The following PCDHGA2 variants were observed in gnomAD, a reference collection of about 807,000 sequenced individuals.
The protein encoded by PCDHGA2 is protocadherin gamma subfamily A, 2.
PCDHGA2 carries 40 observed loss-of-function variants against 59.2 expected under a neutral mutation model. The observed-to-expected ratio is 0.68, with a 90% confidence interval of 0.52 to 0.88. The LOEUF (loss-of-function observed/expected upper bound fraction) is 0.88. PCDHGA2 is among the 40% of genes least tolerant of loss of function. The pLI, the probability that PCDHGA2 is intolerant of heterozygous loss-of-function variation, is 0.00. For missense variants in PCDHGA2, 1,226 were observed against 1,204.0 expected (o/e 1.02, Z -0.27); for synonymous variants, 560 against 526.0 (o/e 1.06, Z -0.89).
chr5:141,500,139 CT>C (rs2099796692), intron 2 of PCDHGA2, among the ~76,000 whole-genome samples: 2 of 151,768 alleles, frequency 1.3e-5, no homozygotes, highest in East Asian at 3.9e-4. Context: ...TCTTTCTAAA[CT>C]TTTCTTTGTG....
chr5:141,351,441 C>T (rs768328873), intron 1 of PCDHGA2: 17 of 1,612,464 alleles, frequency 1.1e-5, no homozygotes, highest in Non-Finnish European at 1.4e-5. Context: ...GAATCCACCT[C>T]GAAGAATTAT....
rs375834520 is a variant in PCDHGA2, at chr5:141,389,526, G to A, written c.2424+48131G>A. 145 of 1,613,070 alleles carry A rather than the reference G, an allele frequency of 9.0e-5. No homozygotes were observed. Among genetic ancestry groups the A allele is most frequent in the Non-Finnish European group, 1.2e-4 (141 of 1,179,758 alleles). ...GCTCAGCGCGAACGTGAGCCTGCGC[G>A]TGTTAGTGGACGACCGCAACGACAA... On this transcript the variant is annotated intron_variant, in intron 1 of 3. Coordinates refer to ENST00000394576, the MANE Select transcript of PCDHGA2 (RefSeq NM_018915.4).
chr5:141,408,769 C>A (rs754783489), intron 1 of PCDHGA2: 3 of 1,611,166 alleles, frequency 1.9e-6, no homozygotes, highest in South Asian at 1.1e-5. Flanking sequence ...CCGATGGTGG[C>A]AAATACCCAG....
intron 1 of PCDHGA2, chr5:141,370,538 G>A: frequency 3.1e-6 from 5 of 1,613,906 alleles, no homozygotes; most frequent in Non-Finnish European, 4.2e-6. Context: ...CGCTGGTAGG[G>A]AACCTCGCCA....
intron 1 of PCDHGA2, chr5:141,350,972 G>A (rs956940005): frequency 6.2e-7 from 1 of 1,614,038 alleles, no homozygotes; most frequent in South Asian, 1.1e-5. Flanking sequence ...TAATGCTCCC[G>A]TGTTTAGCCA....
In PCDHGA2 at chr5:141,430,969, TAGGACGCA is replaced by T. The variant is rs775497521; in HGVS notation, c.2425-63837_2425-63830del. The T allele has an allele frequency of 7.3e-5, 118 of 1,613,012 alleles. 1 individual carries two copies. The Middle Eastern group carries it at 1.8e-3, about 25-fold the overall frequency. On this transcript the variant is annotated intron_variant, in intron 1 of 3. Transcript: ENST00000394576. ...GCGGAGTCCGCATCATCCCCAGAGG[TAGGACGCA>T]GCTTTTCGCCCTGAATCCGCGCAGC...
Position 141,487,266 on chromosome 5 carries a change from T to A in PCDHGA2, c.2425-7541T>A. The stretch of plus-strand genomic sequence containing the variant: ...ACCCTCTACTTGGCTGTGTCCCTAG[T>A]GGCAATTTGCTTTGTCTCCTTTGGC... On this transcript the variant is annotated intron_variant, in intron 1 of 3. Transcript: ENST00000394576. This position sits in a 1 kb window ranked among gnomAD's most constrained non-coding sequence, Gnocchi z 5.0. The A allele has an allele frequency of 1.2e-6, 2 of 1,614,172 alleles. No homozygotes were observed. Among genetic ancestry groups the A allele is most frequent in the Non-Finnish European group, 8.5e-7 (1 of 1,180,036 alleles).
intron 1 of PCDHGA2, chr5:141,398,744 G>C (rs1561665852): frequency 1.2e-6 from 2 of 1,613,854 alleles, no homozygotes; most frequent in East Asian, 4.5e-5. Flanking sequence ...GAACAACAGA[G>C]TTACCATCGT....
In PCDHGA2 at chr5:141,408,035, C is replaced by T. The variant is rs886766467; in HGVS notation, c.2424+66640C>T. On this transcript the variant is annotated intron_variant, in intron 1 of 3. Transcript: ENST00000394576. ...CAGCCAACAACAGAAAGAAGAAAAC[C>T]AGCTCCCACACAGAGCCTCCCGGCT... 7.1e-6 allele frequency: 8 copies of T among 1,130,910 alleles called. No homozygotes were observed. The African/African-American group carries it at 7.8e-5, about 11-fold the overall frequency. 70.1% of individuals were successfully genotyped at this position (1,130,910 alleles called of 1,614,324 possible).
chr5:141,491,896 C>A lies in PCDHGA2; in HGVS notation c.2425-2911C>A. ...CGATTAAGGGATGGGGCTCCGAGCA[C>A]CGGGGGTGGTGGCGACTGTGGGCGA... On this transcript the variant is annotated intron_variant, in intron 1 of 3. Coordinates refer to ENST00000394576, the MANE Select transcript of PCDHGA2 (RefSeq NM_018915.4). This position sits in a 1 kb window ranked among gnomAD's most constrained non-coding sequence, Gnocchi z 6.9. 1 of 1,434,504 alleles carries A rather than the reference C, an allele frequency of 7.0e-7. No homozygotes were observed. Among genetic ancestry groups the A allele is most frequent in the Non-Finnish European group, 9.2e-7 (1 of 1,084,690 alleles). The allele number at this position is 1,434,504 out of a possible 1,614,324, so 88.9% of individuals were successfully genotyped here.
intron 1 of PCDHGA2, among the ~76,000 whole-genome samples, chr5:141,453,216 C>T (rs565229516): frequency 8.5e-5 from 13 of 152,080 alleles, no homozygotes; most frequent in Non-Finnish European, 1.0e-4. Context: ...TGCACTTAAG[C>T]GATCCTCCCA....
Position 141,394,179 on chromosome 5 carries a change from T to C in PCDHGA2, c.2424+52784T>C. The C allele has an allele frequency of 2.5e-6, 4 of 1,613,868 alleles. No individual in the cohort carries two copies. The South Asian group carries it at 4.4e-5, about 18-fold the overall frequency. On this transcript the variant is annotated intron_variant, in intron 1 of 3. Coordinates refer to ENST00000394576, the MANE Select transcript of PCDHGA2 (RefSeq NM_018915.4). ...CAACCCTCCTACTTTCCCTCATGCC[T>C]CCTACTCAGCGTATATCCTAGAGAA...
At chr5:141,466,279 T>A (rs1386803685) in intron 1 of PCDHGA2, among the ~76,000 whole-genome samples, 1 of 152,144 alleles carries the variant, frequency 6.6e-6, no homozygotes, top group Non-Finnish European at 1.5e-5. Flanking sequence ...CAAGCAATCT[T>A]CCCACCTCAG....
intron 1 of PCDHGA2, among the ~76,000 whole-genome samples, chr5:141,381,974 C>A (rs1049134937): frequency 6.6e-6 from 1 of 151,492 alleles, no homozygotes; most frequent in Non-Finnish European, 1.5e-5. Flanking sequence ...GGATTACAGG[C>A]GCGCGCCACC....
At chr5:141,418,393 C>A in intron 1 of PCDHGA2, 1 of 1,613,984 alleles carries the variant, frequency 6.2e-7, no homozygotes, top group Non-Finnish European at 8.5e-7. Context: ...ACGAGTATTT[C>A]TCATTGGTGG....
chr5:141,473,053 TACA>T (rs1452453123), intron 1 of PCDHGA2, among the ~76,000 whole-genome samples: 1 of 150,200 alleles, frequency 6.7e-6, no homozygotes, highest in Non-Finnish European at 1.5e-5. Flanking sequence ...AAAGAAGTGA[TACA>T]ACAAGTTACA....
Position 141,487,302 on chromosome 5 carries a change from C to T in PCDHGA2, c.2425-7505C>T, listed in dbSNP as rs763268817. 3.7e-6 allele frequency: 6 copies of T among 1,614,154 alleles called. No homozygotes were observed. The highest frequency in any genetic ancestry group is 3.4e-6 in the Non-Finnish European group (4 of 1,180,002). On this transcript the variant is annotated intron_variant, in intron 1 of 3. Transcript: ENST00000394576. This position sits in a 1 kb window ranked among gnomAD's most constrained non-coding sequence, Gnocchi z 5.0. ...TTTGTCTCCTTTGGCTCATTCGTGGCACTACTCTCTAAGTGTCTTCGTGGG... is the reference window on the plus strand; with the variant it reads ...TTTGTCTCCTTTGGCTCATTCGTGGTACTACTCTCTAAGTGTCTTCGTGGG...
chr5:141,428,181 A>G, intron 1 of PCDHGA2: 2 of 1,486,230 alleles, frequency 1.3e-6, no homozygotes, highest in Non-Finnish European at 1.8e-6. Flanking sequence ...GACGGAGGAC[A>G]GCCGCCGCTC....
rs1561863226 is a variant in PCDHGA2, at chr5:141,432,653, C to T, written c.2425-62154C>T. On this transcript the variant is annotated intron_variant, in intron 1 of 3. Transcript: ENST00000394576. The surrounding 1 kb of genome is among the most constrained non-coding windows in gnomAD (Gnocchi z 6.0). Reference sequence around the variant, plus strand: ...GGGCGAGGTGCGCACGGCGCGAGCCCTGCTGGACAGAGACGCGCTCAAGCA... The same window carrying T: ...GGGCGAGGTGCGCACGGCGCGAGCCTTGCTGGACAGAGACGCGCTCAAGCA... 5 of 1,613,852 alleles carry T rather than the reference C, an allele frequency of 3.1e-6. No individual in the cohort carries two copies. In the South Asian group the frequency reaches 4.4e-5, roughly 14 times the overall value.
Sources: gnomAD v4.1 joint callset for allele counts (sites outside exome capture counted in the v4.1 genomes callset) on GRCh38, gnomAD v4.1.1 for gene constraint, Gnocchi (gnomAD v3.1) non-coding constraint, MANE v1.5 for transcripts, NCBI Gene and HGNC (gene_info 2026-07-23, HGNC 2026-07-21) for gene names.